The following SLC5A10 variants were observed in gnomAD, a reference collection of about 807,000 sequenced individuals.
The protein encoded by SLC5A10 is sodium/mannose cotransporter SLC5A10.
Under a neutral mutation model 68.9 loss-of-function variants are expected in SLC5A10, and 55 were observed. That is an observed-to-expected ratio of 0.80 (90% CI 0.64 to 1.00). The LOEUF is 1.00. Among genes scored for constraint, SLC5A10 ranks in the 50% least tolerant of loss-of-function variants. SLC5A10 has a pLI of 0.00. For missense variants in SLC5A10, 732 were observed against 819.3 expected (o/e 0.89, Z 1.30); for synonymous variants, 344 against 344.8 (o/e 1.00, Z 0.02).
At chr17:18,955,920 C>T (rs572989773) in intron 1 of SLC5A10, among the ~76,000 whole-genome samples, 28 of 152,244 alleles carry the variant, frequency 1.8e-4, no homozygotes, top group African/African-American at 6.5e-4. Flanking sequence ...ATAGGCCGGG[C>T]GCGGTGGCTC....
intron 5 of SLC5A10, among the ~76,000 whole-genome samples, chr17:18,967,354 A>G (rs1183140643): frequency 6.6e-6 from 1 of 152,094 alleles, no homozygotes; most frequent in Non-Finnish European, 1.5e-5. Flanking sequence ...AAGGGCAGGA[A>G]GGAGGGAGGC....
chr17:18,969,343 G>T lies in SLC5A10; in HGVS notation c.561G>T (p.Gly187=), dbSNP rs1437485538. 1.7e-5 allele frequency: 28 copies of T among 1,613,130 alleles called. No individual in the cohort carries two copies. The highest frequency in any genetic ancestry group is 2.7e-5 in the African/African-American group (2 of 74,906). Reference sequence around the variant, plus strand: ...CAGCAACCTTGCTTCCACTGGCAGGGGGCCTGGCTGCTGTAATCTACACGG... The same window carrying T: ...CAGCAACCTTGCTTCCACTGGCAGGTGGCCTGGCTGCTGTAATCTACACGG... ...LGITALYTIA[G]GLAAVIYTDA... Residue 187 remains glycine, a splice_region_variant and synonymous_variant, in exon 7 of 15, where the codon GGG becomes GGT. Transcript: ENST00000395645.
intron 9 of SLC5A10, 131 bp downstream of exon 9, chr17:18,977,120 G>T (rs183581661): frequency 1.5e-6 from 2 of 1,305,884 alleles, no homozygotes; most frequent in Non-Finnish European, 2.1e-6. Flanking sequence ...GGAGTGGGGA[G>T]AGTGGTCCTC....
rs1461381187 is a variant in SLC5A10 at position 18,960,529 on chromosome 17, T to C, written c.349-19T>C. The stretch of plus-strand genomic sequence containing the variant: ...CATCATCTGGAGGATGCTTAGCCCC[T>C]ACCCATGTGCCTTCCCAGATCGTCA... On this transcript the variant is annotated intron_variant, in intron 4 of 14. Transcript: ENST00000395645. The C allele has an allele frequency of 4.3e-6, 7 of 1,611,458 alleles. No homozygotes were observed. The highest frequency in any genetic ancestry group is 5.9e-6 in the Non-Finnish European group (7 of 1,177,724).
chr17:19,015,379 CTG>C (rs1818843689), intron 11 of SLC5A10, among the ~76,000 whole-genome samples, 180 bp downstream of exon 11: 1 of 152,186 alleles, frequency 6.6e-6, no homozygotes, highest in African/African-American at 2.4e-5. Flanking sequence ...CTGTCCACCT[CTG>C]TGTGATCACA....
At position 19,004,272 on chromosome 17, in the gene SLC5A10, G is replaced by C. The variant is rs931248010; in HGVS notation, c.983-9138G>C. The C allele has an allele frequency of 3.5e-5, 18 of 515,196 alleles. No individual in the cohort carries two copies. The highest frequency in any genetic ancestry group is 8.3e-5 in the African/African-American group (4 of 48,288). 31.9% of individuals were successfully genotyped at this position (515,196 alleles called of 1,614,324 possible). A position where few individuals can be genotyped will look rare whatever the true frequency, so the allele number is the denominator to read the frequency against. On this transcript the variant is annotated intron_variant, in intron 9 of 14. Coordinates refer to ENST00000395645, the MANE Select transcript of SLC5A10 (RefSeq NM_001042450.4). This position sits in a 1 kb window ranked among gnomAD's most constrained non-coding sequence, Gnocchi z 5.4. ...GAACTCAGGTGGGCGTGGGAAGGAC[G>C]GGGCTGGGGCTGGGGCTGGGAAGAT...
chr17:18,984,618 T>C (rs923989370), intron 9 of SLC5A10, among the ~76,000 whole-genome samples: 1 of 152,226 alleles, frequency 6.6e-6, no homozygotes, highest in African/African-American at 2.4e-5. Context: ...TATTTCCAGT[T>C]TGGCTGCACG....
chr17:19,014,936 T>G, intron 10 of SLC5A10, 113 bp from the exon 11 acceptor site: 2 of 1,317,874 alleles, frequency 1.5e-6, no homozygotes, highest in Non-Finnish European at 2.1e-6. Flanking sequence ...GCCCTCTGCC[T>G]TGGAGGAGCA....
intron 1 of SLC5A10, among the ~76,000 whole-genome samples, chr17:18,956,768 G>A (rs1352245811): frequency 2.0e-5 from 3 of 152,046 alleles, no homozygotes; most frequent in South Asian, 2.1e-4. Context: ...GAGCCACCAC[G>A]CCTGGATGAT....
Position 18,990,303 on chromosome 17 carries a change from C to G in SLC5A10, c.982+13314C>G, listed in dbSNP as rs376141012. On this transcript the variant is annotated intron_variant, in intron 9 of 14. Coordinates refer to ENST00000395645, the MANE Select transcript of SLC5A10 (RefSeq NM_001042450.4). ...ACACGATGCAGGCAGGTCACCATGA[C>G]CCTGGAGGCAGTGGTGTTGAGACAC... Among the ~76,000 whole-genome samples, 31 of 152,284 alleles carry G rather than the reference C, an allele frequency of 2.0e-4. No individual in the cohort carries two copies. The South Asian group carries it at 5.8e-3, about 29-fold the overall frequency.
At chr17:19,011,520 G>T (rs2044012893) in intron 9 of SLC5A10, among the ~76,000 whole-genome samples, 1 of 152,102 alleles carries the variant, frequency 6.6e-6, no homozygotes, top group Non-Finnish European at 1.5e-5. Flanking sequence ...CTGAGAGGTG[G>T]GGGTAGGGAG....
chr17:19,020,492 A>C lies in SLC5A10; in HGVS notation c.*61A>C. ...GTCCTCAGGTCCACCCATTTCCCTC[A>C]TGGGGATCCCGAGGCCCCAAGAGGG... On this transcript the variant is annotated 3_prime_UTR_variant, in exon 15 of 15. Coordinates refer to ENST00000395645, the MANE Select transcript of SLC5A10 (RefSeq NM_001042450.4). 27 of 1,507,446 alleles carry C rather than the reference A, an allele frequency of 1.8e-5. No homozygotes were observed. Among genetic ancestry groups the C allele is most frequent in the Non-Finnish European group, 2.2e-5 (24 of 1,089,762 alleles). 93.4% of individuals were successfully genotyped at this position (1,507,446 alleles called of 1,614,324 possible). A position where few individuals can be genotyped will look rare whatever the true frequency, so the allele number is the denominator to read the frequency against.
intron 9 of SLC5A10, 143 bp from the exon 10 acceptor site, chr17:19,013,267 A>G: frequency 7.3e-7 from 1 of 1,368,816 alleles, no homozygotes; most frequent in Non-Finnish European, 9.8e-7. Context: ...AGATTGTGAA[A>G]CTGAGGCCCA....
In SLC5A10 at chr17:18,969,144, G is replaced by T. The variant is rs1468864190; in HGVS notation, c.546G>T (p.Leu182=). 2 of 1,613,948 alleles carry T rather than the reference G, an allele frequency of 1.2e-6. No homozygotes were observed. Among genetic ancestry groups the T allele is most frequent in the Admixed American group, 3.3e-5 (2 of 59,994 alleles). ...STILTLGITA[L]YTIAGGLAAV... is the part of the protein sequence containing the mutation. ...TCCTCACGCTCGGCATCACAGCCCT[G>T]TACACCATCGCAGGTATGGTGCCTG... The change falls in exon 6 of 15, where the codon CTG becomes CTT. Residue 182 remains leucine, a synonymous_variant. Coordinates refer to ENST00000395645, the MANE Select transcript of SLC5A10 (RefSeq NM_001042450.4).
chr17:19,011,172 G>C (rs750144392), intron 9 of SLC5A10, among the ~76,000 whole-genome samples: 28 of 152,214 alleles, frequency 1.8e-4, no homozygotes, highest in Admixed American at 1.8e-3. Flanking sequence ...AAACAACTGT[G>C]ATTCAATCTT....
At chr17:19,014,793 G>A (rs1016349650) in intron 10 of SLC5A10, among the ~76,000 whole-genome samples, 5 of 152,110 alleles carry the variant, frequency 3.3e-5, no homozygotes, top group Admixed American at 6.5e-5. Context: ...AATTATGGTC[G>A]GGCCTAGGGT....
chr17:18,971,281 C>A lies in SLC5A10; in HGVS notation c.846+63C>A. Reference sequence around the variant, plus strand: ...CCGTCCCAGTGGGCTCTGGTAGGCCCAGGCGGCCTGTCTGCCCTCCGCGTC... The same window carrying A: ...CCGTCCCAGTGGGCTCTGGTAGGCCAAGGCGGCCTGTCTGCCCTCCGCGTC... On this transcript the variant is annotated intron_variant, in intron 8 of 14. Transcript: ENST00000395645. The surrounding 1 kb of genome is among the most constrained non-coding windows in gnomAD (Gnocchi z 5.5). The A allele has an allele frequency of 6.2e-7, 1 of 1,610,244 alleles. No individual in the cohort carries two copies. The highest frequency in any genetic ancestry group is 8.5e-7 in the Non-Finnish European group (1 of 1,177,402).
At chr17:18,958,221 C>G (rs2042541661) in intron 1 of SLC5A10, among the ~76,000 whole-genome samples, 1 of 152,164 alleles carries the variant, frequency 6.6e-6, no homozygotes, top group Non-Finnish European at 1.5e-5. Context: ...CAGGTGTGTG[C>G]CACCAAACCC....
Position 18,996,939 on chromosome 17 carries a change from C to T in SLC5A10, c.983-16471C>T, listed in dbSNP as rs1172627238. Among the ~76,000 whole-genome samples, 2 of 152,226 alleles carry T rather than the reference C, an allele frequency of 1.3e-5. No homozygotes were observed. Among genetic ancestry groups the T allele is most frequent in the Non-Finnish European group, 2.9e-5 (2 of 68,036 alleles). Reference sequence around the variant, plus strand: ...GCTCTGCCATGCCTTCCCTGGGTGGCCCATGGCGGGTCACTTCCCACTCTA... The same window carrying T: ...GCTCTGCCATGCCTTCCCTGGGTGGTCCATGGCGGGTCACTTCCCACTCTA... On this transcript the variant is annotated intron_variant, in intron 9 of 14. Transcript: ENST00000395645. The surrounding 1 kb of genome is among the most constrained non-coding windows in gnomAD (Gnocchi z 4.4).
Sources: allele counts gnomAD v4.1 joint callset (sites outside exome capture counted in the v4.1 genomes callset), GRCh38; gene constraint gnomAD v4.1.1; non-coding constraint Gnocchi (gnomAD v3.1); transcripts MANE v1.5; gene names NCBI Gene and HGNC (gene_info 2026-07-23, HGNC 2026-07-21).